ZSWIM7: variants seen among roughly 807,000 people sequenced by gnomAD.
The protein encoded by ZSWIM7 is zinc finger SWIM domain-containing protein 7.
A neutral mutation model predicts 21.1 loss-of-function variants in ZSWIM7; 22 were observed. The ratio of observed to expected loss-of-function variants is 1.04; its 90% confidence interval spans 0.74 to 1.49. The LOEUF (loss-of-function observed/expected upper bound fraction) is 1.49. Among genes scored for constraint, ZSWIM7 ranks in the 40% most tolerant of loss-of-function variants. ZSWIM7 has a pLI of 0.00. For missense variants in ZSWIM7, 193 were observed against 168.0 expected (o/e 1.15, Z -0.82); for synonymous variants, 67 against 66.5 (o/e 1.01, Z -0.04).
intron 2 of ZSWIM7, among the ~76,000 whole-genome samples, chr17:15,989,369 G>A (rs1419300659): frequency 6.6e-6 from 1 of 151,372 alleles, no homozygotes; most frequent in Non-Finnish European, 1.5e-5. Context: ...CCAGGCTGGA[G>A]AGCAGTGGCA....
chr17:15,993,342 TTTTTA>T (rs1186428905), intron 2 of ZSWIM7, among the ~76,000 whole-genome samples: 5 of 139,450 alleles, frequency 3.6e-5, no homozygotes, highest in African/African-American at 1.3e-4. Flanking sequence ...ATATTTTTAT[TTTTTA>T]TTTTATTTAT....
chr17:15,976,893 T>C lies in ZSWIM7; in HGVS notation c.*1154A>G, dbSNP rs1338923842. The C allele has an allele frequency of 1.3e-5, 2 of 152,178 alleles. No homozygotes were observed. The highest frequency in any genetic ancestry group is 2.9e-5 in the Non-Finnish European group (2 of 68,026). The allele number at this position is 152,178 out of a possible 1,614,324, so 9.4% of individuals were successfully genotyped here. On this transcript the variant is annotated 3_prime_UTR_variant, in exon 5 of 5. Coordinates refer to ENST00000399277, the MANE Select transcript of ZSWIM7 (RefSeq NM_001042697.2). ...AGCTTTACCATAAGTTCTTGTCTTC[T>C]TATGCTGAAATTGATTTCATTTTCA... is the stretch of plus-strand genomic sequence containing the variant.
Position 15,978,108 on chromosome 17 carries a change from A to G in ZSWIM7, c.362T>C (p.Leu121Pro). 1 of 1,614,150 alleles carries G rather than the reference A, an allele frequency of 6.2e-7. No homozygotes were observed. The highest frequency in any genetic ancestry group is 8.5e-7 in the Non-Finnish European group (1 of 1,179,992). ...AGTCAACTGCTTGTCAGAGACACTT[A>G]GCTGCTGACAGGTCCTCATAACCTG... The part of the protein sequence containing the change: ...LSQVMRTCQQ[L>P]SVSDKQLTDI... Residue 121 changes from leucine (L) to proline (P), a missense_variant, in exon 5 of 5, where the codon CTA (leucine) becomes CCA (proline). Transcript: ENST00000399277.
chr17:15,981,938 CAA>C (rs1264898327), intron 3 of ZSWIM7, among the ~76,000 whole-genome samples: 1 of 151,962 alleles, frequency 6.6e-6, no homozygotes, highest in African/African-American at 2.4e-5. Context: ...CACAGAAGAA[CAA>C]AAGAAGAAAC....
intron 2 of ZSWIM7, among the ~76,000 whole-genome samples, chr17:15,987,716 T>C (rs1970432824): frequency 6.6e-6 from 1 of 152,114 alleles, no homozygotes; most frequent in Non-Finnish European, 1.5e-5. Flanking sequence ...GTTCAAGCGA[T>C]TCTCCTGCCT....
chr17:15,994,791 C>T (rs1285560929), intron 1 of ZSWIM7, among the ~76,000 whole-genome samples: 1 of 152,088 alleles, frequency 6.6e-6, no homozygotes, highest in Non-Finnish European at 1.5e-5. Flanking sequence ...AGGTATACCC[C>T]AAGAGAAGTG....
In ZSWIM7 at chr17:15,993,757, G is replaced by A. The variant is rs200940790; in HGVS notation, c.98C>T (p.Ser33Leu). Residue 33 changes from serine to leucine, a missense_variant and splice_region_variant, in exon 2 of 5, where the codon TCG becomes TTG. Physicochemically the swap from Ser to Leu is moderately radical, Grantham distance 145. Coordinates refer to ENST00000399277, the MANE Select transcript of ZSWIM7 (RefSeq NM_001042697.2). ...CAAATACAACAGTATATGTACTTAC[G>A]ATAACAGATATTCATCAGGAACTGT... The part of the protein sequence containing the change: ...SARIPDEYLL[S>L]LKFLFGSSAT... The A allele has an allele frequency of 6.2e-5, 93 of 1,494,950 alleles. No homozygotes were observed. Among genetic ancestry groups the A allele is most frequent in the Non-Finnish European group, 8.2e-5 (89 of 1,081,904 alleles). The allele number at this position is 1,494,950 out of a possible 1,614,324, so 92.6% of individuals were successfully genotyped here. A position where few individuals can be genotyped will look rare whatever the true frequency, so the allele number is the denominator to read the frequency against.
intron 4 of ZSWIM7, 89 bp from the exon 5 acceptor site, chr17:15,978,252 G>T: frequency 4.3e-6 from 4 of 933,036 alleles, no homozygotes; most frequent in Non-Finnish European, 5.2e-6. Flanking sequence ...ATCTTATTTG[G>T]CAGGAGAAGA....
chr17:15,996,727 T>C (rs1970559583), intron 1 of ZSWIM7, among the ~76,000 whole-genome samples: 1 of 152,004 alleles, frequency 6.6e-6, no homozygotes, highest in African/African-American at 2.4e-5. Context: ...GGTGCACACC[T>C]GTGGTACCAG....
chr17:15,999,298 T>C, intron 1 of ZSWIM7: 2 of 670,742 alleles, frequency 3.0e-6, no homozygotes, highest in Non-Finnish European at 5.2e-6. Context: ...AACTGCGCTG[T>C]ACCGTAAATA....
At chr17:15,981,466 A>C (rs1184525534) in intron 3 of ZSWIM7, among the ~76,000 whole-genome samples, 1 of 142,762 alleles carries the variant, frequency 7.0e-6, no homozygotes, top group African/African-American at 2.8e-5. Context: ...ATAAGAAGGA[A>C]GTGGGGGGGG....
intron 4 of ZSWIM7, among the ~76,000 whole-genome samples, chr17:15,978,649 C>A (rs1306280693): frequency 6.6e-6 from 1 of 152,176 alleles, no homozygotes; most frequent in African/African-American, 2.4e-5. Flanking sequence ...GGAGTATTCT[C>A]TTTAGAAATC....
intron 1 of ZSWIM7, among the ~76,000 whole-genome samples, chr17:15,995,327 A>G (rs1184785919): frequency 6.6e-6 from 1 of 151,082 alleles, no homozygotes; most frequent in Non-Finnish European, 1.5e-5. Context: ...GAGTACAATG[A>G]CGCAATCTCG....
chr17:15,983,873 C>G (rs944633244), intron 3 of ZSWIM7, among the ~76,000 whole-genome samples: 1 of 152,134 alleles, frequency 6.6e-6, no homozygotes, highest in Non-Finnish European at 1.5e-5. Context: ...AAGCATGAAC[C>G]ACCACTCCCG....
At chr17:15,982,860 C>A (rs1391117107) in intron 3 of ZSWIM7, among the ~76,000 whole-genome samples, 1 of 151,940 alleles carries the variant, frequency 6.6e-6, no homozygotes, top group Non-Finnish European at 1.5e-5. Flanking sequence ...GCTATGTTGT[C>A]CAGGCTGGTC....
chr17:15,992,944 G>A (rs1597441837), intron 2 of ZSWIM7, among the ~76,000 whole-genome samples: 1 of 151,828 alleles, frequency 6.6e-6, no homozygotes, highest in Admixed American at 6.6e-5. Context: ...TGGCACAATC[G>A]CAGCGAGATA....
chr17:15,985,213 A>G (rs1970395045), intron 3 of ZSWIM7, among the ~76,000 whole-genome samples: 2 of 152,120 alleles, frequency 1.3e-5, no homozygotes, highest in Admixed American at 6.6e-5. Flanking sequence ...CTGAGGCAGA[A>G]GAATCACTTG....
Position 15,978,095 on chromosome 17 carries a change from G to C in ZSWIM7, c.375C>G (p.Asp125Glu). The change falls in exon 5 of 5, where the codon GAC becomes GAG. Residue 125 changes from aspartate to glutamate, a missense_variant. Asp to Glu is a conservative substitution (Grantham distance 45, BLOSUM62 2). Transcript: ENST00000399277. ...TCAATAATATGTCAGTCAACTGCTT[G>C]TCAGAGACACTTAGCTGCTGACAGG... ...MRTCQQLSVSDKQLTDILLME... is the reference protein window; with the variant it reads ...MRTCQQLSVSEKQLTDILLME... 1 of 1,614,086 alleles carries C rather than the reference G, an allele frequency of 6.2e-7. No individual in the cohort carries two copies. The highest frequency in any genetic ancestry group is 8.5e-7 in the Non-Finnish European group (1 of 1,179,984).
intron 2 of ZSWIM7, among the ~76,000 whole-genome samples, chr17:15,990,219 CAAA>C (rs71299859): frequency 1.7e-4 from 13 of 76,028 alleles, no homozygotes; most frequent in African/African-American, 3.8e-4. Flanking sequence ...AACTCTGTCT[CAAA>C]AAAAAAAAAA....
Sources: gnomAD v4.1 joint callset for allele counts (sites outside exome capture counted in the v4.1 genomes callset) on GRCh38, gnomAD v4.1.1 for gene constraint, MANE v1.5 for transcripts, NCBI Gene and HGNC (gene_info 2026-07-23, HGNC 2026-07-21) for gene names.